Variants in PCDHA9 observed in about 807,000 individuals in gnomAD.
The protein encoded by PCDHA9 is protocadherin alpha-9.
In PCDHA9, 62 loss-of-function variants were observed where a neutral mutation model predicts 62.0. The observed-to-expected ratio is 1.00, with a 90% CI of 0.81 to 1.23. The LOEUF (loss-of-function observed/expected upper bound fraction) is 1.23, where lower values mean the gene tolerates loss of function less well. Ranked by LOEUF, PCDHA9 falls within the 50% of genes most tolerant of loss-of-function variation. The pLI is 0.00. For synonymous variants in PCDHA9, 557 were observed against 567.6 expected (o/e 0.98, Z 0.27); for missense variants, 1,205 against 1,249.8 (o/e 0.96, Z 0.54).
chr5:140,887,526 C>G (rs914597781), intron 1 of PCDHA9, among the ~76,000 whole-genome samples: 10 of 152,086 alleles, frequency 6.6e-5, no homozygotes, highest in Admixed American at 1.3e-4. Flanking sequence ...ATATATGAGT[C>G]TTCCTCTCCC....
Position 141,010,042 on chromosome 5 carries a change from TAGAGACCTCAG to T in PCDHA9, c.*107_*117del. ...TTTTTCCTATCTACATGAGCCCTCTTAGAGACCTCAGAAATCTGCAGAAAGTTCCCTGTGTC... is the reference window on the plus strand; with the variant it reads ...TTTTTCCTATCTACATGAGCCCTCTTAAATCTGCAGAAAGTTCCCTGTGTC... On this transcript the variant is annotated 3_prime_UTR_variant, in exon 4 of 4. Transcript: ENST00000532602. 6.3e-7 allele frequency: 1 copy of T among 1,594,374 alleles called. No individual in the cohort carries two copies. The highest frequency in any genetic ancestry group is 1.2e-5 in the South Asian group (1 of 86,942).
intron 1 of PCDHA9, among the ~76,000 whole-genome samples, chr5:140,960,597 C>G (rs1315375637): frequency 1.3e-5 from 2 of 152,092 alleles, no homozygotes; most frequent in Non-Finnish European, 2.9e-5. Flanking sequence ...ATTCAAGGTA[C>G]TTCAACAATA....
chr5:140,998,629 A>G (rs989469969), intron 3 of PCDHA9, among the ~76,000 whole-genome samples: 3 of 152,064 alleles, frequency 2.0e-5, no homozygotes, highest in African/African-American at 7.2e-5. Context: ...CAATGGCACA[A>G]TCTCAGCTCA....
In PCDHA9 at chr5:141,011,594, T is replaced by C. The variant is rs2098421156; in HGVS notation, c.*1657T>C. 6.5e-6 allele frequency: 1 copy of C among 153,764 alleles called. No homozygotes were observed. Among genetic ancestry groups the C allele is most frequent in the East Asian group, 1.9e-4 (1 of 5,202 alleles). The allele number at this position is 153,764 out of a possible 1,614,324, so 9.5% of individuals were successfully genotyped here. On this transcript the variant is annotated 3_prime_UTR_variant, in exon 4 of 4. Coordinates refer to ENST00000532602, the MANE Select transcript of PCDHA9 (RefSeq NM_031857.2). ...TTTCTTAAATCAAGATACTGGTGAT[T>C]CAAGGAATTTTATTTATGGTCCAGC...
intron 1 of PCDHA9, chr5:140,881,444 A>C (rs2058716592): frequency 1.2e-6 from 1 of 800,270 alleles, no homozygotes; most frequent in African/African-American, 1.9e-5. Context: ...ATAAAAACAG[A>C]ATCCAAAACC....
chr5:140,928,802 TG>T, intron 1 of PCDHA9: 1 of 1,614,142 alleles, frequency 6.2e-7, no homozygotes, highest in South Asian at 1.1e-5. Context: ...GTGGTGGTAG[TG>T]GTTCGGGACC....
At chr5:140,993,521 G>C (rs1554253818) in intron 3 of PCDHA9, among the ~76,000 whole-genome samples, 4 of 151,128 alleles carry the variant, frequency 2.6e-5, no homozygotes, top group Admixed American at 2.0e-4. Flanking sequence ...GGGAGAGAGA[G>C]ACAGAGAGAG....
chr5:140,924,747 T>G (rs1026870483), intron 1 of PCDHA9, among the ~76,000 whole-genome samples: 2 of 151,786 alleles, frequency 1.3e-5, no homozygotes, highest in African/African-American at 4.8e-5. Flanking sequence ...ATACAAAAAT[T>G]AACCGAGCAT....
intron 1 of PCDHA9, among the ~76,000 whole-genome samples, chr5:140,946,311 T>C (rs896667905): frequency 6.6e-6 from 1 of 151,784 alleles, no homozygotes; most frequent in Non-Finnish European, 1.5e-5. Flanking sequence ...AGAATGGCTA[T>C]TATTGAAAGA....
intron 1 of PCDHA9, among the ~76,000 whole-genome samples, chr5:140,950,519 A>G (rs1359001168): frequency 6.6e-6 from 1 of 152,034 alleles, no homozygotes; most frequent in Non-Finnish European, 1.5e-5. Flanking sequence ...TGTGTGCGAT[A>G]TGATTGTTTT....
At chr5:140,960,267 C>T (rs1182915204) in intron 1 of PCDHA9, among the ~76,000 whole-genome samples, 3 of 152,266 alleles carry the variant, frequency 2.0e-5, no homozygotes, top group South Asian at 2.1e-4. Flanking sequence ...CTGATAAATT[C>T]CGTCACCTTT....
chr5:140,850,689 T>A lies in PCDHA9; in HGVS notation c.2194T>A (p.Cys732Ser). 2 of 1,594,932 alleles carry A rather than the reference T, an allele frequency of 1.3e-6. No individual in the cohort carries two copies. The highest frequency in any genetic ancestry group is 1.7e-6 in the Non-Finnish European group (2 of 1,166,246). The part of the protein sequence containing the change: ...RCSAMPTEGE[C>S]APGKPTLVCS... Reference sequence around the variant, plus strand: ...CTCGGCGATGCCCACCGAGGGCGAGTGCGCGCCTGGCAAGCCGACGCTGGT... The same window carrying A: ...CTCGGCGATGCCCACCGAGGGCGAGAGCGCGCCTGGCAAGCCGACGCTGGT... Residue 732 changes from cysteine to serine, a missense_variant, in exon 1 of 4, where the codon TGC (cysteine) becomes AGC (serine). Physicochemically the swap from Cys to Ser is moderately radical, Grantham distance 112 (BLOSUM62 -1). Transcript: ENST00000532602.
chr5:140,990,605 A>T (rs1234326404), intron 3 of PCDHA9, among the ~76,000 whole-genome samples: 4 of 152,214 alleles, frequency 2.6e-5, no homozygotes, highest in Non-Finnish European at 4.4e-5. Flanking sequence ...GAGTCAGATG[A>T]ATACCGTAAA....
intron 1 of PCDHA9, chr5:140,857,655 C>A: frequency 1.3e-6 from 2 of 1,596,728 alleles, no homozygotes; most frequent in East Asian, 2.2e-5. Context: ...CAGGTGAGCG[C>A]GCGCGATGGG....
chr5:140,977,074 T>C (rs1315038002), intron 1 of PCDHA9, among the ~76,000 whole-genome samples: 1 of 152,244 alleles, frequency 6.6e-6, no homozygotes, highest in Admixed American at 6.5e-5. Flanking sequence ...AATAGCAGCA[T>C]GACAAATTAA....
rs782516629 is a variant in PCDHA9, at chr5:140,876,277, C to G, written c.2394+25388C>G. 5 of 1,613,988 alleles carry G rather than the reference C, an allele frequency of 3.1e-6. No homozygotes were observed. The highest frequency in any genetic ancestry group is 2.2e-5 in the East Asian group (1 of 44,886). Reference sequence around the variant, plus strand: ...AGTGATCCAACTAAATGCTTCCGATCCAGACGAAGGACTTAATGGAGAAAT... The same window carrying G: ...AGTGATCCAACTAAATGCTTCCGATGCAGACGAAGGACTTAATGGAGAAAT... On this transcript the variant is annotated intron_variant, in intron 1 of 3. Transcript: ENST00000532602.
intron 1 of PCDHA9, among the ~76,000 whole-genome samples, chr5:140,948,267 A>G (rs964252489): frequency 1.3e-5 from 2 of 151,646 alleles, no homozygotes. Flanking sequence ...GTGTTCATGT[A>G]GAATATCTGT....
intron 1 of PCDHA9, among the ~76,000 whole-genome samples, chr5:140,972,314 GTGT>G (rs1387433472): frequency 1.3e-5 from 2 of 150,490 alleles, no homozygotes; most frequent in Non-Finnish European, 3.0e-5. Context: ...TAGTTTTTAG[GTGT>G]TTTTTTTTTT....
intron 1 of PCDHA9, among the ~76,000 whole-genome samples, chr5:140,885,554 A>G (rs1025656025): frequency 5.3e-5 from 8 of 152,140 alleles, no homozygotes; most frequent in African/African-American, 1.9e-4. Context: ...TGTTATTTCT[A>G]CGAAATTGAT....
Sources: allele counts gnomAD v4.1 joint callset (sites outside exome capture counted in the v4.1 genomes callset), GRCh38; gene constraint gnomAD v4.1.1; transcripts MANE v1.5; gene names NCBI Gene and HGNC (gene_info 2026-07-23, HGNC 2026-07-21).